The following PRKAG2 variants were observed in gnomAD, a reference collection of about 807,000 sequenced individuals.
PRKAG2 encodes 5'-AMP-activated protein kinase subunit gamma-2.
In PRKAG2, 26 loss-of-function variants were observed where a neutral mutation model predicts 69.6. The ratio of observed to expected loss-of-function variants is 0.37; its 90% CI spans 0.27 to 0.52. The LOEUF (loss-of-function observed/expected upper bound fraction) is 0.52, where lower values mean the gene tolerates loss of function less well. Ranked by LOEUF, PRKAG2 falls within the 20% of genes least tolerant of loss-of-function variation. PRKAG2 has a pLI of 0.90. For synonymous variants in PRKAG2, 293 were observed against 285.0 expected, an observed-to-expected ratio of 1.03 and a Z score of -0.28; for missense variants, 557 against 740.0, an observed-to-expected ratio of 0.75 and a Z score of 2.87.
chr7:151,632,031 TG>T lies in PRKAG2; in HGVS notation c.754+37del. On this transcript the variant is annotated intron_variant, in intron 5 of 15. Transcript: ENST00000287878. This position sits in a 1 kb window ranked among gnomAD's most constrained non-coding sequence, Gnocchi z 4.2. Reference sequence around the variant, plus strand: ...TCCCGGTCCTCGGGCGGCCGGGCCGTGGGAGCGCCGGGCCGGCAGCGGGCGG... The same window carrying T: ...TCCCGGTCCTCGGGCGGCCGGGCCGTGGAGCGCCGGGCCGGCAGCGGGCGG... The T allele has an allele frequency of 1.5e-6, 2 of 1,304,534 alleles. No homozygotes were observed. Among genetic ancestry groups the T allele is most frequent in the Non-Finnish European group, 2.0e-6 (2 of 1,014,928 alleles). 80.8% of individuals were successfully genotyped at this position (1,304,534 alleles called of 1,614,324 possible).
At chr7:151,584,745 TAATTAACTG>T (rs1811248610) in intron 6 of PRKAG2, among the ~76,000 whole-genome samples, 1 of 151,850 alleles carries the variant, frequency 6.6e-6, no homozygotes, top group South Asian at 2.1e-4. Context: ...AAAAATAAAA[TAATTAACTG>T]AATGTGGTGG....
At position 151,850,306 on chromosome 7, in the gene PRKAG2, G is replaced by A. The variant is rs1383318780; in HGVS notation, c.114+26201C>T. On this transcript the variant is annotated intron_variant, in intron 1 of 15. Coordinates refer to ENST00000287878, the MANE Select transcript of PRKAG2 (RefSeq NM_016203.4). The surrounding 1 kb of genome is among the most constrained non-coding windows in gnomAD (Gnocchi z 4.1). ...CTTCTTGAGTGTTTAATGGAAAGAC[G>A]CCTGTCCAGAAGGTTTCTCCTGGAA... is the stretch of plus-strand genomic sequence containing the variant. 1.3e-5 allele frequency among the ~76,000 whole-genome samples: 2 copies of A among 152,244 alleles called. No homozygotes were observed. The highest frequency in any genetic ancestry group is 2.9e-5 in the Non-Finnish European group (2 of 68,042).
At chr7:151,726,404 A>ACACG (rs1554568609) in intron 3 of PRKAG2, among the ~76,000 whole-genome samples, 9 of 142,316 alleles carry the variant, frequency 6.3e-5, no homozygotes, top group East Asian at 1.9e-4. Context: ...ACACACACGC[A>ACACG]CACACACACA....
intron 3 of PRKAG2, among the ~76,000 whole-genome samples, chr7:151,701,796 TTG>T (rs1837736774): frequency 6.7e-6 from 1 of 148,882 alleles, no homozygotes; most frequent in Non-Finnish European, 1.5e-5. Context: ...TGAGCCGAGA[TTG>T]CGCCACTGCA....
At chr7:151,687,924 G>T (rs1191585204) in intron 3 of PRKAG2, among the ~76,000 whole-genome samples, 1 of 152,116 alleles carries the variant, frequency 6.6e-6, no homozygotes, top group Non-Finnish European at 1.5e-5. Flanking sequence ...CCTCCCCAAC[G>T]GGGCTCCCTC....
At chr7:151,824,661 C>T (rs2078866814) in intron 1 of PRKAG2, among the ~76,000 whole-genome samples, 1 of 152,096 alleles carries the variant, frequency 6.6e-6, no homozygotes, top group Non-Finnish European at 1.5e-5. Context: ...CAGCAAGCAC[C>T]CAGACAGGAA....
chr7:151,670,098 GCA>G (rs1453790807), intron 4 of PRKAG2, among the ~76,000 whole-genome samples: 4 of 134,392 alleles, frequency 3.0e-5, no homozygotes, highest in Non-Finnish European at 4.8e-5. Flanking sequence ...ATACCTGCAT[GCA>G]CATACACCTG....
intron 3 of PRKAG2, among the ~76,000 whole-genome samples, chr7:151,733,100 T>C (rs752312240): frequency 1.3e-5 from 2 of 152,230 alleles, no homozygotes; most frequent in Non-Finnish European, 2.9e-5. Context: ...ACTCTTGGAC[T>C]GTTTTTCCTC....
chr7:151,617,086 C>A (rs577077233), intron 5 of PRKAG2, among the ~76,000 whole-genome samples: 2 of 151,858 alleles, frequency 1.3e-5, no homozygotes, highest in Non-Finnish European at 2.9e-5. Flanking sequence ...GTGGAGAAAC[C>A]CTGTCTCTAC....
intron 1 of PRKAG2, among the ~76,000 whole-genome samples, chr7:151,834,428 G>A (rs2079101516): frequency 6.6e-6 from 1 of 152,232 alleles, no homozygotes; most frequent in Admixed American, 6.5e-5. Context: ...GGGAGGTGCA[G>A]GGTTAGCTTC....
At chr7:151,789,287 A>C (rs1406893769) in intron 1 of PRKAG2, among the ~76,000 whole-genome samples, 1 of 152,202 alleles carries the variant, frequency 6.6e-6, no homozygotes, top group African/African-American at 2.4e-5. Flanking sequence ...ATCCATAAAC[A>C]TAGGATGTGT....
At chr7:151,801,110 A>C (rs562512589) in intron 1 of PRKAG2, among the ~76,000 whole-genome samples, 2 of 152,336 alleles carry the variant, frequency 1.3e-5, no homozygotes, top group African/African-American at 4.8e-5. Flanking sequence ...GGCCTGGACC[A>C]CCCACCCAGC....
intron 4 of PRKAG2, among the ~76,000 whole-genome samples, chr7:151,667,773 G>C (rs1367387092): frequency 6.6e-6 from 1 of 152,232 alleles, no homozygotes; most frequent in Admixed American, 6.5e-5. Flanking sequence ...AGACAAGTTA[G>C]CTGTTCCTGC....
chr7:151,592,726 T>A (rs1182562901), intron 6 of PRKAG2, among the ~76,000 whole-genome samples: 2 of 152,244 alleles, frequency 1.3e-5, no homozygotes, highest in Non-Finnish European at 2.9e-5. Context: ...ATTTTCTCCA[T>A]TATGCAGTAT....
At chr7:151,676,470 G>A (rs563733325) in intron 3 of PRKAG2, among the ~76,000 whole-genome samples, 18 of 148,848 alleles carry the variant, frequency 1.2e-4, no homozygotes, top group African/African-American at 4.7e-4. Flanking sequence ...ATAATGGGAG[G>A]GGCAACGGTG....
chr7:151,606,577 T>C (rs1223850068), intron 5 of PRKAG2, among the ~76,000 whole-genome samples: 1 of 152,152 alleles, frequency 6.6e-6, no homozygotes, highest in Non-Finnish European at 1.5e-5. Context: ...CCCAGCATTT[T>C]GGGAGGCTGA....
intron 5 of PRKAG2, among the ~76,000 whole-genome samples, chr7:151,601,612 C>T (rs752999377): frequency 1.3e-5 from 2 of 152,090 alleles, no homozygotes; most frequent in African/African-American, 2.4e-5. Flanking sequence ...AGAACTGTCT[C>T]GTGGGAGGAC....
intron 4 of PRKAG2, among the ~76,000 whole-genome samples, chr7:151,634,326 A>C (rs970584713): frequency 6.6e-6 from 1 of 152,228 alleles, no homozygotes; most frequent in Admixed American, 6.5e-5. Flanking sequence ...TTTACACAAA[A>C]ATTAGCTCAC....
intron 3 of PRKAG2, among the ~76,000 whole-genome samples, chr7:151,732,499 A>G (rs1441405805): frequency 6.6e-6 from 1 of 152,196 alleles, no homozygotes; most frequent in Admixed American, 6.5e-5. Flanking sequence ...GAGGGAATTT[A>G]AAACACAAAA....
Sources: allele counts gnomAD v4.1 joint callset (sites outside exome capture counted in the v4.1 genomes callset), GRCh38; gene constraint gnomAD v4.1.1; non-coding constraint Gnocchi (gnomAD v3.1); transcripts MANE v1.5; gene names NCBI Gene and HGNC (gene_info 2026-07-23, HGNC 2026-07-21).